Variants in ADAM2 observed in about 807,000 individuals in gnomAD.
The protein encoded by ADAM2 is ADAM metallopeptidase domain 2.
A neutral mutation model predicts 99.3 loss-of-function variants in ADAM2; 101 were observed. The observed-to-expected ratio is 1.02, with a 90% CI of 0.87 to 1.20. ADAM2 has a LOEUF of 1.20. Among genes scored for constraint, ADAM2 ranks in the 50% most tolerant of loss-of-function variants. The pLI, the probability that ADAM2 is intolerant of heterozygous loss-of-function variation, is 0.00. For synonymous variants in ADAM2, 323 were observed against 287.6 expected, an observed-to-expected ratio of 1.12 and a Z score of -1.25; for missense variants, 948 against 878.7, an observed-to-expected ratio of 1.08 and a Z score of -1.00.
intron 6 of ADAM2, among the ~76,000 whole-genome samples, chr8:39,811,723 A>C (rs1169734080): frequency 6.6e-6 from 1 of 152,236 alleles, no homozygotes; most frequent in Admixed American, 6.5e-5. Flanking sequence ...GACAAAATTC[A>C]ACAGCGCTTC....
intron 7 of ADAM2, among the ~76,000 whole-genome samples, chr8:39,790,919 C>T (rs1348014418): frequency 1.3e-5 from 2 of 151,796 alleles, no homozygotes; most frequent in African/African-American, 4.8e-5. Context: ...TAGTGCTTTT[C>T]CCCCATGACA....
chr8:39,827,325 A>G (rs1228419790), intron 3 of ADAM2, among the ~76,000 whole-genome samples: 1 of 152,138 alleles, frequency 6.6e-6, no homozygotes, highest in East Asian at 1.9e-4. Context: ...AATAATAAGG[A>G]GGTTTCTCAA....
chr8:39,812,985 C>T (rs1427370950), intron 6 of ADAM2, among the ~76,000 whole-genome samples: 3 of 151,882 alleles, frequency 2.0e-5, no homozygotes, highest in Non-Finnish European at 4.4e-5. Context: ...AAGAGGCAAC[C>T]TATAGAATGG....
intron 9 of ADAM2, 124 bp downstream of exon 9, chr8:39,787,961 T>A (rs549267804): frequency 1.8e-6 from 1 of 568,442 alleles, no homozygotes; most frequent in Non-Finnish European, 2.8e-6. Context: ...GTGAAAAATA[T>A]TTACATGGCG....
intron 15 of ADAM2, among the ~76,000 whole-genome samples, chr8:39,756,606 C>T (rs1563337351): frequency 6.6e-6 from 1 of 152,082 alleles, no homozygotes; most frequent in African/African-American, 2.4e-5. Context: ...ATCTAAATAG[C>T]CTCCTAATCA....
chr8:39,759,475 TAAAATTACTCAAAACAATGAATG>T (rs1397759764), intron 15 of ADAM2, among the ~76,000 whole-genome samples: 1 of 152,192 alleles, frequency 6.6e-6, no homozygotes, highest in Non-Finnish European at 1.5e-5. Context: ...GAAAATAGCC[TAAAATTACTCAAAACAATGAATG>T]AAATTTCAAT....
chr8:39,753,595 G>A (rs997515555), intron 16 of ADAM2, among the ~76,000 whole-genome samples: 3 of 152,154 alleles, frequency 2.0e-5, no homozygotes, highest in African/African-American at 7.2e-5. Flanking sequence ...GGCCTAGGAG[G>A]GAAAAATGGT....
chr8:39,754,118 C>A (rs1475379756), intron 16 of ADAM2, among the ~76,000 whole-genome samples: 1 of 152,198 alleles, frequency 6.6e-6, no homozygotes, highest in Non-Finnish European at 1.5e-5. Context: ...CTCATCCCAT[C>A]CTCGTCCTAG....
intron 11 of ADAM2, among the ~76,000 whole-genome samples, chr8:39,775,047 G>C (rs1452314209): frequency 6.6e-6 from 1 of 152,034 alleles, no homozygotes; most frequent in Non-Finnish European, 1.5e-5. Flanking sequence ...TATTGAGATG[G>C]CAATAATGAC....
intron 3 of ADAM2, among the ~76,000 whole-genome samples, chr8:39,829,871 G>C (rs1156365688): frequency 6.6e-6 from 1 of 151,898 alleles, no homozygotes; most frequent in East Asian, 1.9e-4. Flanking sequence ...ACTAAAACTA[G>C]AAAAATCATC....
chr8:39,769,195 G>C (rs963418427), intron 12 of ADAM2, among the ~76,000 whole-genome samples, 197 bp downstream of exon 12: 2 of 152,038 alleles, frequency 1.3e-5, no homozygotes, highest in Non-Finnish European at 2.9e-5. Flanking sequence ...ACAAATCCAC[G>C]TAGATCCACA....
At chr8:39,790,110 A>G (rs1803642137) in intron 7 of ADAM2, among the ~76,000 whole-genome samples, 1 of 151,934 alleles carries the variant, frequency 6.6e-6, no homozygotes, top group East Asian at 1.9e-4. Context: ...TGGAGCAACC[A>G]TTTCTGAAGA....
chr8:39,798,281 C>T (rs1401288854), intron 7 of ADAM2, among the ~76,000 whole-genome samples: 2 of 152,134 alleles, frequency 1.3e-5, no homozygotes, highest in African/African-American at 4.8e-5. Context: ...GCCTATTCTG[C>T]ATCTAGTGAG....
chr8:39,773,859 C>G (rs149614318), intron 11 of ADAM2, among the ~76,000 whole-genome samples: 2 of 151,708 alleles, frequency 1.3e-5, no homozygotes, highest in Non-Finnish European at 3.0e-5. Flanking sequence ...GATACTAAAA[C>G]CAGTCAAAGG....
intron 3 of ADAM2, among the ~76,000 whole-genome samples, chr8:39,826,175 C>T (rs1805390528): frequency 1.3e-5 from 2 of 152,142 alleles, no homozygotes; most frequent in Admixed American, 1.3e-4. Context: ...CATCATACTA[C>T]TTGACTTCAA....
chr8:39,750,389 C>G (rs955362091), intron 16 of ADAM2, among the ~76,000 whole-genome samples: 2 of 151,852 alleles, frequency 1.3e-5, no homozygotes, highest in East Asian at 3.9e-4. Context: ...ACAAAAAACT[C>G]GATATTATAT....
intron 3 of ADAM2, among the ~76,000 whole-genome samples, chr8:39,826,541 G>A (rs1168722742): frequency 1.3e-5 from 2 of 152,012 alleles, no homozygotes; most frequent in Non-Finnish European, 2.9e-5. Context: ...GGCTAAAATG[G>A]TGAAACCCCG....
At chr8:39,795,883 A>C (rs1369896473) in intron 7 of ADAM2, among the ~76,000 whole-genome samples, 8 of 152,150 alleles carry the variant, frequency 5.3e-5, no homozygotes, top group Non-Finnish European at 8.8e-5. Flanking sequence ...ACCATAAAGA[A>C]ACATGTTTCT....
intron 6 of ADAM2, among the ~76,000 whole-genome samples, chr8:39,816,644 G>A (rs1003198365): frequency 2.0e-5 from 3 of 152,270 alleles, no homozygotes; most frequent in Middle Eastern, 6.8e-3. Flanking sequence ...AGGTACTGAT[G>A]AGCTTTGACC....
Sources: allele counts gnomAD v4.1 joint callset (sites outside exome capture counted in the v4.1 genomes callset), GRCh38; gene constraint gnomAD v4.1.1; transcripts MANE v1.5; gene names NCBI Gene and HGNC (gene_info 2026-07-23, HGNC 2026-07-21).